PEAK1: variants seen among roughly 807,000 people sequenced by gnomAD.
PEAK1 encodes the protein pseudopodium enriched atypical kinase 1, also known as inactive tyrosine-protein kinase PEAK1.
PEAK1 carries 54 observed loss-of-function variants against 124.7 expected under a neutral mutation model. The observed-to-expected ratio is 0.43, with a 90% CI of 0.35 to 0.54. The LOEUF (loss-of-function observed/expected upper bound fraction) is 0.54, where lower values mean the gene tolerates loss of function less well. Ranked by LOEUF, PEAK1 falls within the 20% of genes least tolerant of loss-of-function variation. PEAK1 has a pLI of 0.01. For synonymous variants in PEAK1, 719 were observed against 760.0 expected (o/e 0.95, Z 0.89); for missense variants, 2,046 against 2,134.5 (o/e 0.96, Z 0.82).
intron 1 of PEAK1, among the ~76,000 whole-genome samples, chr15:77,416,572 C>T (rs115287277): frequency 6.6e-6 from 1 of 152,120 alleles, no homozygotes; most frequent in Non-Finnish European, 1.5e-5. Context: ...ACTAAATCCC[C>T]GCAACTTTTG....
chr15:77,257,826 G>GTTA (rs1442106735), intron 5 of PEAK1, among the ~76,000 whole-genome samples: 40,928 of 151,840 alleles, frequency 0.27, 6,457 homozygotes, highest in Middle Eastern at 0.38. Context: ...GAATGGTAAG[G>GTTA]CCTAGGTTTT....
chr15:77,135,321 C>G (rs112497275), intron 8 of PEAK1, among the ~76,000 whole-genome samples: 5 of 152,258 alleles, frequency 3.3e-5, no homozygotes, highest in Admixed American at 6.5e-5. Flanking sequence ...AGCATGTCAA[C>G]GGTAAGCACC....
intron 1 of PEAK1, among the ~76,000 whole-genome samples, chr15:77,391,225 A>C (rs1799834573): frequency 6.6e-6 from 1 of 152,132 alleles, no homozygotes; most frequent in Non-Finnish European, 1.5e-5. Context: ...AAGAATAGGA[A>C]TACAACTCCT....
intron 3 of PEAK1, 52 bp downstream of exon 3, chr15:77,286,371 A>G (rs1049422557): frequency 3.1e-6 from 3 of 972,558 alleles, no homozygotes; most frequent in Middle Eastern, 3.7e-4. Flanking sequence ...TTAATAAAAG[A>G]GATTTAAGAC....
chr15:77,246,833 C>T (rs2060612037), intron 6 of PEAK1, among the ~76,000 whole-genome samples: 1 of 151,920 alleles, frequency 6.6e-6, no homozygotes, highest in African/African-American at 2.4e-5. Flanking sequence ...GTCTGGCCAA[C>T]ATAGTGAAGC....
At chr15:77,187,594 TC>T (rs1420094822) in intron 6 of PEAK1, among the ~76,000 whole-genome samples, 1 of 152,114 alleles carries the variant, frequency 6.6e-6, no homozygotes, top group East Asian at 1.9e-4. Flanking sequence ...ATACAGCATT[TC>T]CTAAAGGCAC....
chr15:77,147,569 C>G (rs1285602718), intron 8 of PEAK1, among the ~76,000 whole-genome samples: 1 of 151,960 alleles, frequency 6.6e-6, no homozygotes, highest in Non-Finnish European at 1.5e-5. Context: ...CACAGAAACA[C>G]AGGGAAAATG....
intron 6 of PEAK1, among the ~76,000 whole-genome samples, chr15:77,250,618 A>G (rs1301934127): frequency 1.3e-5 from 2 of 151,940 alleles, no homozygotes; most frequent in African/African-American, 2.4e-5. Context: ...TATTTTTAGC[A>G]GAGATAGGGT....
intron 6 of PEAK1, among the ~76,000 whole-genome samples, chr15:77,221,610 T>C (rs570567189): frequency 9.9e-5 from 15 of 152,168 alleles, no homozygotes; most frequent in East Asian, 1.9e-4. Flanking sequence ...GGAACACATG[T>C]GCTGTTGGAA....
intron 2 of PEAK1, chr15:77,350,822 T>C (rs1464738313): frequency 6.1e-6 from 6 of 979,526 alleles, no homozygotes; most frequent in Non-Finnish European, 7.3e-6. Flanking sequence ...ATTGATAATT[T>C]GTAATTGGCT....
At chr15:77,225,666 TTA>T (rs55958042) in intron 6 of PEAK1, among the ~76,000 whole-genome samples, 4,233 of 87,896 alleles carry the variant, frequency 0.048, 195 homozygotes, top group African/African-American at 0.13. Context: ...TGTGTATAAT[TTA>T]TATATATATA....
intron 2 of PEAK1, among the ~76,000 whole-genome samples, chr15:77,356,709 C>T (rs935965088): frequency 2.6e-5 from 4 of 152,166 alleles, no homozygotes; most frequent in Non-Finnish European, 5.9e-5. Flanking sequence ...AGTTTTTATA[C>T]ATATTATAGT....
chr15:77,148,144 T>G (rs1250041850), intron 8 of PEAK1, among the ~76,000 whole-genome samples: 1 of 152,086 alleles, frequency 6.6e-6, no homozygotes, highest in Non-Finnish European at 1.5e-5. Context: ...AAGAAAAATA[T>G]ATGGGTTGCA....
At chr15:77,191,950 C>T (rs2057854829) in intron 6 of PEAK1, among the ~76,000 whole-genome samples, 1 of 152,160 alleles carries the variant, frequency 6.6e-6, no homozygotes, top group Non-Finnish European at 1.5e-5. Context: ...AACCCAGGAT[C>T]AGTTTCCCAG....
chr15:77,414,408 G>A (rs1296802214), intron 1 of PEAK1, among the ~76,000 whole-genome samples: 3 of 146,268 alleles, frequency 2.1e-5, no homozygotes, highest in African/African-American at 5.1e-5. Flanking sequence ...TTTTGTAAGC[G>A]ACGGGGTTTC....
Position 77,181,762 on chromosome 15 carries a change from G to T in PEAK1, c.165C>A (p.Ile55=), listed in dbSNP as rs2057290059. 6 of 1,614,132 alleles carry T rather than the reference G, an allele frequency of 3.7e-6. No homozygotes were observed. Among genetic ancestry groups the T allele is most frequent in the Non-Finnish European group, 5.1e-6 (6 of 1,180,012 alleles). ...TNANHSNNHR[I]RNTGNFRPPV... is the part of the protein sequence containing the mutation. ...GAGGCCGGAAATTGCCCGTGTTCCT[G>T]ATGCGGTGGTTGTTACTGTGATTGG... The change falls in exon 7 of 10, where the codon ATC becomes ATA. Residue 55 remains isoleucine (I), a synonymous_variant. Coordinates refer to ENST00000682557, the MANE Select transcript of PEAK1 (RefSeq NM_001385026.1).
At chr15:77,308,395 C>A (rs1034764980) in intron 2 of PEAK1, among the ~76,000 whole-genome samples, 5 of 152,064 alleles carry the variant, frequency 3.3e-5, no homozygotes, top group Admixed American at 2.0e-4. Flanking sequence ...ACTTATTCCT[C>A]AGGGTAACTT....
intron 2 of PEAK1, chr15:77,350,146 C>G (rs2067120052): frequency 1.0e-6 from 1 of 985,286 alleles, no homozygotes; most frequent in African/African-American, 1.7e-5. Context: ...TGTGAAAATG[C>G]ATGCACAAAA....
chr15:77,225,666 T>TTATATCTATATA (rs2059604465), intron 6 of PEAK1, among the ~76,000 whole-genome samples: 1 of 87,994 alleles, frequency 1.1e-5, no homozygotes, highest in Non-Finnish European at 2.3e-5. Context: ...TGTGTATAAT[T>TTATATCTATATA]TATATATATA....
Sources: gnomAD v4.1 joint callset for allele counts (sites outside exome capture counted in the v4.1 genomes callset) on GRCh38, gnomAD v4.1.1 for gene constraint, MANE v1.5 for transcripts, NCBI Gene and HGNC (gene_info 2026-07-23, HGNC 2026-07-21) for gene names.